Variants in FLT4 observed in about 807,000 individuals in gnomAD.
FLT4 encodes fms related receptor tyrosine kinase 4.
Under a neutral mutation model 163.2 loss-of-function variants are expected in FLT4, and 30 were observed. The ratio of observed to expected loss-of-function variants is 0.18; its 90% CI spans 0.14 to 0.25. FLT4 has a LOEUF of 0.25. FLT4 is among the 10% of genes least tolerant of loss of function. The pLI is 1.00. For synonymous variants in FLT4, 884 were observed against 789.5 expected, an observed-to-expected ratio of 1.12 and a Z score of -2.01; for missense variants, 1,510 against 1,863.8, an observed-to-expected ratio of 0.81 and a Z score of 3.50.
At position 180,629,983 on chromosome 5, in the gene FLT4, G is replaced by T; in HGVS notation, c.636C>A (p.Asp212Glu). The change falls in exon 5 of 30, where the codon GAC (aspartate) becomes GAA (glutamate). Residue 212 changes from aspartate (D) to glutamate (E), a missense_variant. By Grantham distance (45) the Asp-to-Glu change is conservative (BLOSUM62 2). Around this residue, in one of 5 missense-constraint regions of FLT4, gnomAD observed 163 missense variants for 281.1 expected, o/e 0.58. Transcript: ENST00000261937. ...LYLQCETTWGDQDFLSNPFLV... is the reference protein window; with the variant it reads ...LYLQCETTWGEQDFLSNPFLV... ...GGAAGGGGTTGGAAAGGAAGTCCTG[G>T]TCTCCCCAGGTGGTCTCGCACTGCA... The T allele has an allele frequency of 6.2e-7, 1 of 1,612,852 alleles. No homozygotes were observed.
chr5:180,614,206 CGTGGTGGATGGGGAG>C lies in FLT4; in HGVS notation c.3220-42_3220-28del, dbSNP rs1561702182. 1.6e-5 allele frequency: 24 copies of C among 1,516,716 alleles called. No homozygotes were observed. In the African/African-American group the frequency reaches 3.4e-4, roughly 22 times the overall value. 94.0% of individuals were successfully genotyped at this position (1,516,716 alleles called of 1,614,324 possible). On this transcript the variant is annotated intron_variant, in intron 23 of 29. Transcript: ENST00000261937. Reference sequence around the variant, plus strand: ...TGGGGAGACAGAGGGAAGCTTGTCCCGTGGTGGATGGGGAGACGGAGGGAAGCGTGTCCCGTGGTG... The same window carrying C: ...TGGGGAGACAGAGGGAAGCTTGTCCCACGGAGGGAAGCGTGTCCCGTGGTG...
intron 29 of FLT4, among the ~76,000 whole-genome samples, chr5:180,605,699 C>T (rs1208781821): frequency 6.6e-6 from 1 of 152,222 alleles, no homozygotes; most frequent in Non-Finnish European, 1.5e-5. Flanking sequence ...GGCTCATACA[C>T]GTCCCGTATC....
Position 180,602,929 on chromosome 5 carries a change from G to T in FLT4, c.*263C>A. 6.7e-6 allele frequency: 4 copies of T among 593,338 alleles called. No homozygotes were observed. The highest frequency in any genetic ancestry group is 1.2e-5 in the Non-Finnish European group (4 of 332,418). 36.8% of individuals were successfully genotyped at this position (593,338 alleles called of 1,614,324 possible). On this transcript the variant is annotated 3_prime_UTR_variant, in exon 30 of 30. Transcript: ENST00000261937. ...GCTGGCCCCGGGACCAGCACCTGCG[G>T]ATGCTGAACTAAATGACATCTGAAT... is the stretch of plus-strand genomic sequence containing the variant.
At chr5:180,611,792 G>A (rs1762222820) in intron 26 of FLT4, 1 of 465,972 alleles carries the variant, frequency 2.1e-6, no homozygotes, top group South Asian at 2.3e-5. Context: ...GGTCAAGGTA[G>A]CAGAATGCTG....
At chr5:180,609,518 A>G (rs1762013863) in intron 28 of FLT4, 2 of 357,184 alleles carry the variant, frequency 5.6e-6, no homozygotes, top group Non-Finnish European at 1.1e-5. Flanking sequence ...GAGTCCCCCA[A>G]CATCTCCAAG....
chr5:180,613,982 G>T, intron 24 of FLT4, 86 bp downstream of exon 24: 1 of 943,778 alleles, frequency 1.1e-6, no homozygotes. Flanking sequence ...CAGGTGCCCA[G>T]TCCCTTACTC....
intron 29 of FLT4, among the ~76,000 whole-genome samples, 180 bp from the exon 30 acceptor site, chr5:180,603,570 G>A (rs1164254243): frequency 6.6e-6 from 1 of 152,204 alleles, no homozygotes; most frequent in Non-Finnish European, 1.5e-5. Flanking sequence ...AAATTAGCCA[G>A]GCATGGTGGT....
chr5:180,625,768 G>T, intron 10 of FLT4, 101 bp downstream of exon 10: 1 of 1,111,466 alleles, frequency 9.0e-7, no homozygotes, highest in East Asian at 2.5e-5. Context: ...AAGGGGTACA[G>T]GGAAGACCTG....
chr5:180,649,043 G>A (rs576549240), intron 1 of FLT4, among the ~76,000 whole-genome samples: 25 of 152,224 alleles, frequency 1.6e-4, no homozygotes, highest in African/African-American at 5.8e-4. Context: ...GGCGCTGGGC[G>A]TCGGGAAGTG....
intron 1 of FLT4, among the ~76,000 whole-genome samples, chr5:180,645,390 G>T (rs1373826681): frequency 6.6e-6 from 1 of 152,228 alleles, no homozygotes; most frequent in Non-Finnish European, 1.5e-5. Flanking sequence ...TGGGGTCAAG[G>T]CTCTGCTTGC....
rs1024117298 is a variant in FLT4, at chr5:180,618,872, C to T, written c.2899G>A (p.Ala967Thr). The part of the protein sequence containing the change: ...RGRFRAMVEL[A>T]RLDRRRPGSS... ...CCCGGCCGCCTCCGATCCAGCCTGG[C>T]GAGCTCCACCATGGCGCGGAAGCGT... The change falls in exon 21 of 30, where the codon GCC (alanine) becomes ACC (threonine). Residue 967 changes from alanine (A) to threonine (T), a missense_variant. Transcript: ENST00000261937. The T allele has an allele frequency of 6.3e-7, 1 of 1,586,662 alleles. No individual in the cohort carries two copies. Among genetic ancestry groups the T allele is most frequent in the Non-Finnish European group, 8.6e-7 (1 of 1,167,206 alleles).
chr5:180,624,313 G>A (rs932721762), intron 10 of FLT4, among the ~76,000 whole-genome samples: 3 of 149,394 alleles, frequency 2.0e-5, no homozygotes, highest in African/African-American at 5.0e-5. Flanking sequence ...CGAAACCTCC[G>A]CCTCCTGGGT....
chr5:180,632,042 T>C lies in FLT4; in HGVS notation c.59-264A>G, dbSNP rs186288. Among the ~76,000 whole-genome samples, 12,097 of 152,166 alleles carry C rather than the reference T, an allele frequency of 0.079. 554 individuals are homozygous for C. Among genetic ancestry groups the C allele is most frequent in the Non-Finnish European group, 0.1 (7,120 of 67,962 alleles). On this transcript the variant is annotated intron_variant, in intron 1 of 29. Coordinates refer to ENST00000261937, the MANE Select transcript of FLT4 (RefSeq NM_182925.5). The stretch of plus-strand genomic sequence containing the variant: ...CCCATCCTCAGCTACACACCGGCCC[T>C]GGACCTAACCCCAACCTCTGACCCC...
At chr5:180,644,950 G>T (rs1191806321) in intron 1 of FLT4, among the ~76,000 whole-genome samples, 1 of 152,222 alleles carries the variant, frequency 6.6e-6, no homozygotes, top group African/African-American at 2.4e-5. Context: ...AGCACCGTCT[G>T]CCCGGAGTTC....
chr5:180,622,689 G>T, intron 12 of FLT4, 42 bp downstream of exon 12: 1 of 1,284,034 alleles, frequency 7.8e-7, no homozygotes, highest in Non-Finnish European at 1.1e-6. Flanking sequence ...GCCCCCTCCT[G>T]ACCCTGTACC....
chr5:180,620,739 CGTGTGT>C lies in FLT4; in HGVS notation c.2300-30_2300-25del. On this transcript the variant is annotated intron_variant, in intron 15 of 29. Transcript: ENST00000261937. The surrounding 1 kb of genome is among the most constrained non-coding windows in gnomAD (Gnocchi z 4.4). ...GCCTGCGTGGGCAGAAAGGGGCCGGCGTGTGTGTGTGTGTGTGTAAGAGCGTGCACC... is the reference window on the plus strand; with the variant it reads ...GCCTGCGTGGGCAGAAAGGGGCCGGCGTGTGTGTGTGTAAGAGCGTGCACC... The C allele has an allele frequency of 2.6e-6, 4 of 1,533,594 alleles. No individual in the cohort carries two copies. The highest frequency in any genetic ancestry group is 3.6e-6 in the Non-Finnish European group (4 of 1,114,146). The allele number at this position is 1,533,594 out of a possible 1,614,324, so 95.0% of individuals were successfully genotyped here. A position where few individuals can be genotyped will look rare whatever the true frequency, so the allele number is the denominator to read the frequency against.
At chr5:180,613,376 C>T (rs553999141) in intron 24 of FLT4, 7 of 444,450 alleles carry the variant, frequency 1.6e-5, no homozygotes, top group African/African-American at 4.0e-5. Flanking sequence ...CACCCACTGG[C>T]GACACGGTAG....
In FLT4 at chr5:180,613,720, G is replaced by T. The variant is rs919177037; in HGVS notation, c.3331+348C>A. 2.7e-5 allele frequency: 11 copies of T among 408,296 alleles called. 1 individual carries two copies. Among genetic ancestry groups the T allele is most frequent in the Non-Finnish European group, 5.1e-5 (11 of 215,522 alleles). 25.3% of individuals were successfully genotyped at this position (408,296 alleles called of 1,614,324 possible). A position where few individuals can be genotyped will look rare whatever the true frequency, so the allele number is the denominator to read the frequency against. On this transcript the variant is annotated intron_variant, in intron 24 of 29. Transcript: ENST00000261937. ...GCCTGGAGACTTCATCATGCTCGCA[G>T]CGGGGCCTGAGTTCCCACATGGAGC... is the stretch of plus-strand genomic sequence containing the variant.
intron 29 of FLT4, among the ~76,000 whole-genome samples, chr5:180,607,433 C>T (rs1179754121): frequency 2.6e-5 from 4 of 151,934 alleles, no homozygotes; most frequent in Admixed American, 1.3e-4. Context: ...GTCAGGAGAT[C>T]GAGACCATCC....
Sources: gnomAD v4.1 joint callset for allele counts (sites outside exome capture counted in the v4.1 genomes callset) on GRCh38, gnomAD v4.1.1 for gene constraint, gnomAD v4.1.1 regional missense constraint, Gnocchi (gnomAD v3.1) non-coding constraint, MANE v1.5 for transcripts, NCBI Gene and HGNC (gene_info 2026-07-23, HGNC 2026-07-21) for gene names.